Variants in IGSF9 observed in about 807,000 individuals in gnomAD.
IGSF9 encodes the protein protein turtle homolog A.
In IGSF9, 87 loss-of-function variants were observed where a neutral mutation model predicts 121.7. That is an observed-to-expected ratio of 0.71 (90% confidence interval 0.60 to 0.85). The LOEUF (loss-of-function observed/expected upper bound fraction) is 0.85, where lower values mean the gene tolerates loss of function less well. Among genes scored for constraint, IGSF9 ranks in the 40% least tolerant of loss-of-function variants. The pLI, the probability that IGSF9 is intolerant of heterozygous loss-of-function variation, is 0.00. For synonymous variants in IGSF9, 640 were observed against 648.4 expected (o/e 0.99, Z 0.20); for missense variants, 1,462 against 1,565.3 (o/e 0.93, Z 1.11).
Position 159,928,631 on chromosome 1 carries a change from A to C in IGSF9, c.2757T>G (p.Gly919=), listed in dbSNP as rs928065640. 1.1e-5 allele frequency: 17 copies of C among 1,487,868 alleles called. No individual in the cohort carries two copies. The Admixed American group carries it at 2.7e-4, about 24-fold the overall frequency. The allele number at this position is 1,487,868 out of a possible 1,614,324, so 92.2% of individuals were successfully genotyped here. ...PPAAPPSPLP[G]PGPLLQYLSL... is the part of the protein sequence containing the mutation. ...TCAGGTACTGGAGCAGGGGTCCAGG[A>C]CCTGGCAAGGGACTGGGTGGGGCTG... Residue 919 remains glycine (G), a synonymous_variant, in exon 19 of 21, where the codon GGT becomes GGG. Transcript: ENST00000368094.
At position 159,928,407 on chromosome 1, in the gene IGSF9, G is replaced by C; in HGVS notation, c.2981C>G (p.Pro994Arg). The C allele has an allele frequency of 6.2e-7, 1 of 1,603,392 alleles. No individual in the cohort carries two copies. Among genetic ancestry groups the C allele is most frequent in the Non-Finnish European group, 8.5e-7 (1 of 1,177,346 alleles). ...AVVGAGATAE[P>R]PYTALADWTL... ...CCAGTCAGCCAGGGCTGTGTAAGGGGGCTCTGCAGTGGCCCCAGCCCCTAC... is the reference window on the plus strand; with the variant it reads ...CCAGTCAGCCAGGGCTGTGTAAGGGCGCTCTGCAGTGGCCCCAGCCCCTAC... The change falls in exon 19 of 21, where the codon CCC becomes CGC. Residue 994 changes from proline (P) to arginine (R), a missense_variant. Pro to Arg is a moderately radical substitution (Grantham distance 103). Around this residue, in one of 3 missense-constraint regions of IGSF9, gnomAD observed 808 missense variants for 815.2 expected, o/e 0.99. Coordinates refer to ENST00000368094, the MANE Select transcript of IGSF9 (RefSeq NM_001135050.2).
intron 6 of IGSF9, among the ~76,000 whole-genome samples, chr1:159,936,103 G>T (rs1421904886): frequency 6.6e-6 from 1 of 152,202 alleles, no homozygotes; most frequent in African/African-American, 2.4e-5. Context: ...TCTTTATAAA[G>T]ATGAAGAAAC....
Position 159,930,539 on chromosome 1 carries a change from A to G in IGSF9, c.1814-100T>C, listed in dbSNP as rs1650957326. On this transcript the variant is annotated intron_variant, in intron 14 of 20. Coordinates refer to ENST00000368094, the MANE Select transcript of IGSF9 (RefSeq NM_001135050.2). ...CCCAACTCTTCTCCCAGAACCCCTG[A>G]AGACAAGCTCAAATCATCTTCCACA... 4 of 1,521,638 alleles carry G rather than the reference A, an allele frequency of 2.6e-6. No individual in the cohort carries two copies. The South Asian group carries it at 5.2e-5, about 20-fold the overall frequency. 94.3% of individuals were successfully genotyped at this position (1,521,638 alleles called of 1,614,324 possible).
rs769865566 is a variant in IGSF9 at position 159,936,413 on chromosome 1, T to G, written c.659A>C (p.Gln220Pro). The G allele has an allele frequency of 6.2e-7, 1 of 1,613,918 alleles. No homozygotes were observed. Among genetic ancestry groups the G allele is most frequent in the Non-Finnish European group, 8.5e-7 (1 of 1,179,890 alleles). Residue 220 changes from glutamine (Q) to proline (P), a missense_variant, in exon 6 of 21, where the codon CAG (glutamine) becomes CCG (proline). Transcript: ENST00000368094. ...CCAGAGAGCACCTAGCACTAGCAGC[T>G]GGGTGGCGTGGGTGGCGCTGCCCTC... ...STEGSATHAT[Q>P]LLVLGPPVIV...
chr1:159,934,633 CTGTT>C (rs780944515), intron 7 of IGSF9, 44 bp downstream of exon 7: 21 of 1,613,718 alleles, frequency 1.3e-5, no homozygotes, highest in Non-Finnish European at 1.4e-5. Context: ...TCTTCAGAGA[CTGTT>C]TGTGAATTCC....
At chr1:159,940,780 A>G (rs1175860369) in intron 3 of IGSF9, among the ~76,000 whole-genome samples, 1 of 152,164 alleles carries the variant, frequency 6.6e-6, no homozygotes, top group Non-Finnish European at 1.5e-5. Context: ...ACTGATTTTT[A>G]TCAAACAACT....
In IGSF9 at chr1:159,929,662, G is replaced by T. The variant is rs752139269; in HGVS notation, c.2302C>A (p.Arg768Ser). The change falls in exon 17 of 21, where the codon CGC (arginine) becomes AGC (serine). Residue 768 changes from arginine (R) to serine (S), a missense_variant. By Grantham distance (110) the Arg-to-Ser change is moderately radical (BLOSUM62 -1). Coordinates refer to ENST00000368094, the MANE Select transcript of IGSF9 (RefSeq NM_001135050.2). The part of the protein sequence containing the change: ...CLLNRRRAAR[R>S]RRKRLRQDPP... The stretch of plus-strand genomic sequence containing the variant: ...CCTTGGCGGAGGCGCTTGCGGCGGC[G>T]GCGGGCAGCCCTGCGCCGGTTCAGG... 5.6e-6 allele frequency: 9 copies of T among 1,594,424 alleles called. No individual in the cohort carries two copies. The East Asian group carries it at 9.1e-5, about 16-fold the overall frequency.
In IGSF9 at chr1:159,928,826, C is replaced by A. The variant is rs34343266; in HGVS notation, c.2562G>T (p.Val854=). The A allele has an allele frequency of 1.9e-5, 29 of 1,526,920 alleles. No individual in the cohort carries two copies. The African/African-American group carries it at 3.9e-4, about 21-fold the overall frequency. 94.6% of individuals were successfully genotyped at this position (1,526,920 alleles called of 1,614,324 possible). The change falls in exon 19 of 21, where the codon GTG becomes GTT. Residue 854 remains valine, a synonymous_variant. Coordinates refer to ENST00000368094, the MANE Select transcript of IGSF9 (RefSeq NM_001135050.2). ...GGGGGGCCGCCACAGTGGGCCCCAT[C>A]ACAAAGCGCCCGTCTGGGCCCCGGC... ...PICRGPDGRF[V]MGPTVAAPQE... is the part of the protein sequence containing the mutation.
In IGSF9 at chr1:159,943,055, A is replaced by AG. The variant is rs753928344; in HGVS notation, c.154dup (p.Leu52ProfsTer27). On this transcript the variant is annotated frameshift_variant, in exon 3 of 21. Coordinates refer to ENST00000368094, the MANE Select transcript of IGSF9 (RefSeq NM_001135050.2). LOFTEE classifies it high-confidence loss of function. ...AAAGCGCAGCCACTCGATGACATGC[A>AG]GGGGGGGCCGGCCGGCCGGGGGCAG... is the stretch of plus-strand genomic sequence containing the variant. The AG allele has an allele frequency of 8.1e-6, 13 of 1,613,058 alleles. No homozygotes were observed. The highest frequency in any genetic ancestry group is 2.2e-5 in the East Asian group (1 of 44,806).
At chr1:159,942,067 C>T (rs933596776) in intron 3 of IGSF9, among the ~76,000 whole-genome samples, 1 of 152,238 alleles carries the variant, frequency 6.6e-6, no homozygotes, top group African/African-American at 2.4e-5. Flanking sequence ...CCCAGGTGGC[C>T]TTTCCTGGGT....
At chr1:159,933,861 T>C in intron 9 of IGSF9, 2 of 366,366 alleles carry the variant, frequency 5.5e-6, no homozygotes, top group South Asian at 2.4e-5. Flanking sequence ...TGGTAAGAAG[T>C]GTGTGTTCCC....
At position 159,934,061 on chromosome 1, in the gene IGSF9, C is replaced by A. The variant is rs1651095892; in HGVS notation, c.1104+129G>T. On this transcript the variant is annotated intron_variant, in intron 9 of 20. Transcript: ENST00000368094. ...TTCCTATGCAACATGTCTTATAACA[C>A]AAATTAAATTCACAAAAGATGTGTG... 2.6e-6 allele frequency: 3 copies of A among 1,142,096 alleles called. No individual in the cohort carries two copies. In the South Asian group the frequency reaches 4.4e-5, roughly 17 times the overall value. The allele number at this position is 1,142,096 out of a possible 1,614,324, so 70.7% of individuals were successfully genotyped here.
In IGSF9 at chr1:159,927,097, CAGAG is replaced by C. The variant is rs1553225973; in HGVS notation, c.*244_*247del. On this transcript the variant is annotated 3_prime_UTR_variant, in exon 21 of 21. Coordinates refer to ENST00000368094, the MANE Select transcript of IGSF9 (RefSeq NM_001135050.2). ...AACTTCACACACACACACACACACA[CAGAG>C]AGAGAGAGAGAGAGAGAGAGAGAGA... The C allele has an allele frequency of 0.044, 15,989 of 363,542 alleles. 182 individuals are homozygous for C. Among genetic ancestry groups the C allele is most frequent in the Non-Finnish European group, 0.056 (11,392 of 201,900 alleles). 22.5% of individuals were successfully genotyped at this position (363,542 alleles called of 1,614,324 possible). A position where few individuals can be genotyped will look rare whatever the true frequency, so the allele number is the denominator to read the frequency against.
At position 159,931,479 on chromosome 1, in the gene IGSF9, G is replaced by C. The variant is rs903858106; in HGVS notation, c.1487C>G (p.Ala496Gly). ...CAGCACGTAGACGTTCGTGGAGGTG[G>C]CCACTCGGGCCACAGCATTGCTGGC... ...CSASNAVARV[A>G]TSTNVYVLGT... The change falls in exon 12 of 21, where the codon GCC becomes GGC. Residue 496 changes from alanine to glycine, a missense_variant. Ala to Gly is a moderately conservative substitution (Grantham distance 60, BLOSUM62 0). Transcript: ENST00000368094. This position sits in a 1 kb window ranked among gnomAD's most constrained non-coding sequence, Gnocchi z 4.8. The C allele has an allele frequency of 6.2e-7, 1 of 1,613,954 alleles. No individual in the cohort carries two copies. Among genetic ancestry groups the C allele is most frequent in the Non-Finnish European group, 8.5e-7 (1 of 1,179,846 alleles).
chr1:159,943,237 T>C, intron 2 of IGSF9, 86 bp from the exon 3 acceptor site: 1 of 1,348,138 alleles, frequency 7.4e-7, no homozygotes, highest in East Asian at 2.5e-5. Flanking sequence ...TGTAGGCACC[T>C]TAGGACTTTG....
chr1:159,932,380 AC>A lies in IGSF9; in HGVS notation c.1245+131del. The stretch of plus-strand genomic sequence containing the variant: ...GCATCAGGCAGCTGCTGCCGTGGCC[AC>A]CATGGGAAACAAACTTGGAAACCCC... On this transcript the variant is annotated intron_variant, in intron 10 of 20. Coordinates refer to ENST00000368094, the MANE Select transcript of IGSF9 (RefSeq NM_001135050.2). This position sits in a 1 kb window ranked among gnomAD's most constrained non-coding sequence, Gnocchi z 4.1. 1 of 1,010,600 alleles carries A rather than the reference AC, an allele frequency of 9.9e-7. No homozygotes were observed. Among genetic ancestry groups the A allele is most frequent in the Non-Finnish European group, 1.5e-6 (1 of 685,142 alleles). The allele number at this position is 1,010,600 out of a possible 1,614,324, so 62.6% of individuals were successfully genotyped here.
chr1:159,928,310 A>G lies in IGSF9; in HGVS notation c.3078T>C (p.Ser1026=), dbSNP rs3747615. Residue 1026 remains serine (S), a synonymous_variant, in exon 19 of 21, where the codon AGT becomes AGC. Coordinates refer to ENST00000368094, the MANE Select transcript of IGSF9 (RefSeq NM_001135050.2). ...APRGSLTSQS[S]GRGSASFLRP... is the part of the protein sequence containing the mutation. ...GCAGGAACGAAGCGCTGCCTCGCCC[A>G]CTGCTCTGGCTGGTGAGGCTGCCTC... The G allele has an allele frequency of 0.45, 717,094 of 1,609,768 alleles. 162,679 individuals carry two copies. Among genetic ancestry groups the G allele is most frequent in the East Asian group, 0.69 (30,980 of 44,774 alleles).
At chr1:159,937,869 G>T (rs376559194) in intron 3 of IGSF9, 31 bp from the exon 4 acceptor site, 2 of 1,602,114 alleles carry the variant, frequency 1.2e-6, no homozygotes, top group African/African-American at 2.7e-5. Flanking sequence ...CAAGGGTGCT[G>T]AAGGAACCCC....
rs1378958084 is a variant in IGSF9, at chr1:159,928,982, C to T, written c.2406G>A (p.Ala802=). 6.6e-7 allele frequency: 1 copy of T among 1,518,694 alleles called. No individual in the cohort carries two copies. The highest frequency in any genetic ancestry group is 8.8e-7 in the Non-Finnish European group (1 of 1,134,746). 94.1% of individuals were successfully genotyped at this position (1,518,694 alleles called of 1,614,324 possible). Residue 802 remains alanine, a synonymous_variant, in exon 19 of 21, where the codon GCG becomes GCA. Coordinates refer to ENST00000368094, the MANE Select transcript of IGSF9 (RefSeq NM_001135050.2). ...ALGSGSPDSV[A]KLKLQGSPVP... is the part of the protein sequence containing the mutation. ...CTGGGGATCCCTGGAGCTTCAGCTT[C>T]GCCACGCTGTCAGGACTGCCTGAGC... is the stretch of plus-strand genomic sequence containing the variant.
Sources: gnomAD v4.1 joint callset for allele counts (sites outside exome capture counted in the v4.1 genomes callset) on GRCh38, gnomAD v4.1.1 for gene constraint, gnomAD v4.1.1 regional missense constraint, Gnocchi (gnomAD v3.1) non-coding constraint, MANE v1.5 for transcripts, NCBI Gene and HGNC (gene_info 2026-07-23, HGNC 2026-07-21) for gene names.